PCDHGA5: variants seen among roughly 807,000 people sequenced by gnomAD.
PCDHGA5 encodes the protein protocadherin gamma-A5.
PCDHGA5 carries 36 observed loss-of-function variants against 56.7 expected under a neutral mutation model. The observed-to-expected ratio is 0.64, with a 90% CI of 0.49 to 0.84. PCDHGA5 has a LOEUF of 0.84. Among genes scored for constraint, PCDHGA5 ranks in the 40% least tolerant of loss-of-function variants. PCDHGA5 has a pLI of 0.00. For synonymous variants in PCDHGA5, 563 were observed against 520.2 expected, an observed-to-expected ratio of 1.08 and a Z score of -1.12; for missense variants, 1,305 against 1,201.5, an observed-to-expected ratio of 1.09 and a Z score of -1.27.
At chr5:141,454,344 G>A (rs1455147295) in intron 1 of PCDHGA5, among the ~76,000 whole-genome samples, 3 of 152,236 alleles carry the variant, frequency 2.0e-5, no homozygotes, top group Non-Finnish European at 4.4e-5. Flanking sequence ...AATGTTGGAA[G>A]TTGATCCAAA....
chr5:141,440,990 C>T (rs1195325115), intron 1 of PCDHGA5: 2 of 152,172 alleles, frequency 1.3e-5, no homozygotes, highest in African/African-American at 4.8e-5. Flanking sequence ...CCAGAGTACC[C>T]ATATCTAGTT....
Position 141,428,162 on chromosome 5 carries a change from G to A in PCDHGA5, c.2421+61411G>A, listed in dbSNP as rs75153946. The A allele has an allele frequency of 9.5e-4, 1,493 of 1,569,102 alleles. 9 individuals are homozygous for A. The African/African-American group carries it at 0.016, about 16-fold the overall frequency. On this transcript the variant is annotated intron_variant, in intron 1 of 3. Coordinates refer to ENST00000518069, the MANE Select transcript of PCDHGA5 (RefSeq NM_018918.3). ...GGCTGCACACGGGAACCTGCTGGTT[G>A]CTGTGCGTGACGGAGGACAGCCGCC...
intron 1 of PCDHGA5, chr5:141,395,187 T>C: frequency 6.2e-7 from 1 of 1,614,162 alleles, no homozygotes; most frequent in Non-Finnish European, 8.5e-7. Flanking sequence ...TGATTCTTTG[T>C]TAACATCCGT....
Position 141,485,156 on chromosome 5 carries a change from A to G in PCDHGA5, c.2422-9651A>G. The G allele has an allele frequency of 6.3e-7, 1 of 1,599,118 alleles. No homozygotes were observed. The highest frequency in any genetic ancestry group is 8.6e-7 in the Non-Finnish European group (1 of 1,168,318). On this transcript the variant is annotated intron_variant, in intron 1 of 3. Transcript: ENST00000518069. The surrounding 1 kb of genome is among the most constrained non-coding windows in gnomAD (Gnocchi z 5.7). ...ATCCGCGTCTCAGGAGCAAGTAGAG[A>G]ATTAGCGGGCGGCAGCAATGCTCCG... is the stretch of plus-strand genomic sequence containing the variant.
intron 1 of PCDHGA5, among the ~76,000 whole-genome samples, chr5:141,469,568 T>C (rs942597017): frequency 6.6e-6 from 1 of 152,184 alleles, no homozygotes. Flanking sequence ...AGTGAGACTC[T>C]GTCTCTAAAT....
intron 2 of PCDHGA5, among the ~76,000 whole-genome samples, chr5:141,495,430 C>A (rs1189953474): frequency 6.6e-6 from 1 of 152,220 alleles, no homozygotes; most frequent in Non-Finnish European, 1.5e-5. Context: ...TCCCACTGTC[C>A]TCTGCCCCTA....
At position 141,366,659 on chromosome 5, in the gene PCDHGA5, G is replaced by A. The variant is rs757940050; in HGVS notation, c.2329G>A (p.Asp777Asn). The A allele has an allele frequency of 1.1e-5, 17 of 1,614,250 alleles. No homozygotes were observed. The Admixed American group carries it at 1.5e-4, about 14-fold the overall frequency. The change falls in exon 1 of 4, where the codon GAC becomes AAC. Residue 777 changes from aspartate to asparagine, a missense_variant. Coordinates refer to ENST00000518069, the MANE Select transcript of PCDHGA5 (RefSeq NM_018918.3). ...HLIFPQPNYA[D>N]TLLSEESCEK... The stretch of plus-strand genomic sequence containing the variant: ...GATCTTTCCCCAGCCCAACTACGCA[G>A]ACACGCTCCTTAGTGAAGAGAGCTG...
At chr5:141,389,390 C>A (rs759786018) in intron 1 of PCDHGA5, 1 of 1,613,718 alleles carries the variant, frequency 6.2e-7, no homozygotes, top group Non-Finnish European at 8.5e-7. Context: ...TGTCATCCTA[C>A]GTGTCCATAA....
At chr5:141,420,108 A>G (rs780657975) in intron 1 of PCDHGA5, 1 of 1,614,030 alleles carries the variant, frequency 6.2e-7, no homozygotes, top group Non-Finnish European at 8.5e-7. Flanking sequence ...ACGTTGCCCT[A>G]TGCCTATAAT....
At chr5:141,421,828 C>T in intron 1 of PCDHGA5, 1 of 1,613,796 alleles carries the variant, frequency 6.2e-7, no homozygotes, top group Non-Finnish European at 8.5e-7. Context: ...GGAGGGAAGC[C>T]TGGACCGAGA....
rs2099696598 is a variant in PCDHGA5, at chr5:141,490,144, A to C, written c.2422-4663A>C. The C allele has an allele frequency of 2.5e-6, 4 of 1,614,214 alleles. No homozygotes were observed. In the East Asian group the frequency reaches 6.7e-5, roughly 27 times the overall value. ...TGGCCTAGACCCTAGCAGTGGGGCA[A>C]TCCATGTGTTGGGTCCCATAGACTT... On this transcript the variant is annotated intron_variant, in intron 1 of 3. Transcript: ENST00000518069. The surrounding 1 kb of genome is among the most constrained non-coding windows in gnomAD (Gnocchi z 5.4).
At chr5:141,399,382 A>G in intron 1 of PCDHGA5, 1 of 1,614,000 alleles carries the variant, frequency 6.2e-7, no homozygotes, top group Non-Finnish European at 8.5e-7. Context: ...TGTCACCATC[A>G]CAGCCACAGA....
chr5:141,371,271 A>C (rs1251715871), intron 1 of PCDHGA5: 2 of 1,613,938 alleles, frequency 1.2e-6, no homozygotes, highest in Non-Finnish European at 1.7e-6. Flanking sequence ...ACAACTGTTC[A>C]AGCTGGACAG....
chr5:141,430,705 T>C (rs914464861), intron 1 of PCDHGA5: 3 of 1,477,958 alleles, frequency 2.0e-6, no homozygotes, highest in African/African-American at 2.8e-5. Flanking sequence ...AAGGAACTGC[T>C]CCTGACTTCA....
Position 141,394,531 on chromosome 5 carries a change from C to T in PCDHGA5, c.2421+27780C>T, listed in dbSNP as rs1188248060. ...CCCGCCCTCCCCACAGACGGTTCCA[C>T]TGGCGTGGAGCTGGCGCCCCGCTCC... On this transcript the variant is annotated intron_variant, in intron 1 of 3. Transcript: ENST00000518069. 3 of 1,614,224 alleles carry T rather than the reference C, an allele frequency of 1.9e-6. No homozygotes were observed. In the South Asian group the frequency reaches 3.3e-5, roughly 18 times the overall value.
At chr5:141,419,327 TC>T (rs774592605) in intron 1 of PCDHGA5, 1 of 1,613,856 alleles carries the variant, frequency 6.2e-7, no homozygotes, top group Non-Finnish European at 8.5e-7. Flanking sequence ...TGTCTCCTAC[TC>T]TCTCATTGCC....
At position 141,476,379 on chromosome 5, in the gene PCDHGA5, T is replaced by TTCA. The variant is rs768549633; in HGVS notation, c.2422-18428_2422-18427insTCA. 9 of 1,614,126 alleles carry TTCA rather than the reference T, an allele frequency of 5.6e-6. No homozygotes were observed. The East Asian group carries it at 2.0e-4, about 36-fold the overall frequency. ...AACCGGGAGACCGGAGAGATGTTTG[T>TTCA]GAACGACCGTCTGGATCGAGAGGAG... On this transcript the variant is annotated intron_variant, in intron 1 of 3. Transcript: ENST00000518069. This position sits in a 1 kb window ranked among gnomAD's most constrained non-coding sequence, Gnocchi z 7.6.
Position 141,398,834 on chromosome 5 carries a change from A to G in PCDHGA5, c.2421+32083A>G, listed in dbSNP as rs201953825. On this transcript the variant is annotated intron_variant, in intron 1 of 3. Transcript: ENST00000518069. Reference sequence around the variant, plus strand: ...CTCCGGATCCAGGTAACCGACGCCAATGATAATCCCCCGGTATTCAACCGA... The same window carrying G: ...CTCCGGATCCAGGTAACCGACGCCAGTGATAATCCCCCGGTATTCAACCGA... The G allele has an allele frequency of 3.9e-4, 623 of 1,614,014 alleles. 4 individuals are homozygous for G. In the South Asian group the frequency reaches 4.2e-3, roughly 11 times the overall value.
At chr5:141,454,970 G>A (rs2098808431) in intron 1 of PCDHGA5, among the ~76,000 whole-genome samples, 2 of 151,444 alleles carry the variant, frequency 1.3e-5, no homozygotes, top group African/African-American at 4.9e-5. Context: ...ACCACGCCTG[G>A]CTAATTTTTT....
Sources: gnomAD v4.1 joint callset for allele counts (sites outside exome capture counted in the v4.1 genomes callset) on GRCh38, gnomAD v4.1.1 for gene constraint, Gnocchi (gnomAD v3.1) non-coding constraint, MANE v1.5 for transcripts, NCBI Gene and HGNC (gene_info 2026-07-23, HGNC 2026-07-21) for gene names.